The following SPATA17 variants were observed in gnomAD, a reference collection of about 807,000 sequenced individuals.
SPATA17 encodes the protein spermatogenesis associated 17, also known as spermatogenesis-associated protein 17.
Under a neutral mutation model 62.2 loss-of-function variants are expected in SPATA17, and 53 were observed. The observed-to-expected ratio is 0.85, with a 90% CI of 0.68 to 1.07. The LOEUF is 1.07. Ranked by LOEUF, SPATA17 falls within the 50% of genes least tolerant of loss-of-function variation. The pLI, the probability that SPATA17 is intolerant of heterozygous loss-of-function variation, is 0.00. For missense variants in SPATA17, 466 were observed against 425.5 expected, an observed-to-expected ratio of 1.10 and a Z score of -0.84; for synonymous variants, 146 against 146.8, an observed-to-expected ratio of 0.99 and a Z score of 0.04.
chr1:217,804,592 G>A (rs188115938), intron 9 of SPATA17, among the ~76,000 whole-genome samples: 7 of 152,242 alleles, frequency 4.6e-5, no homozygotes, highest in East Asian at 1.9e-4. Flanking sequence ...GATCAACAGC[G>A]TAAAGAGACA....
Position 217,669,027 on chromosome 1 carries a change from T to A in SPATA17, c.241-6T>A. ...ATGCATGCCATCTTTTTTTCTTGAT[T>A]CACAGGTAGCATATTATACTATGAT... On this transcript the variant is annotated splice_region_variant and splice_polypyrimidine_tract_variant and intron_variant, in intron 3 of 10. Transcript: ENST00000366933. 1 of 1,610,866 alleles carries A rather than the reference T, an allele frequency of 6.2e-7. No individual in the cohort carries two copies.
rs1304209153 is a variant in SPATA17, at chr1:217,859,270, AG to A, written c.1006-3503del. The stretch of plus-strand genomic sequence containing the variant: ...TATGTATATAAATAATATATGTAAA[AG>A]TTATATCTAAAAATTCTCCATATAT... On this transcript the variant is annotated intron_variant, in intron 9 of 10. Transcript: ENST00000366933. Among the ~76,000 whole-genome samples, 7 of 147,504 alleles carry A rather than the reference AG, an allele frequency of 4.7e-5. No homozygotes were observed. In the East Asian group the frequency reaches 1.4e-3, roughly 29 times the overall value.
intron 7 of SPATA17, among the ~76,000 whole-genome samples, chr1:217,781,774 G>C (rs1344253247): frequency 1.3e-5 from 2 of 152,092 alleles, no homozygotes; most frequent in Non-Finnish European, 2.9e-5. Flanking sequence ...AGGGCTGTTG[G>C]AAAGCTATGC....
intron 5 of SPATA17, among the ~76,000 whole-genome samples, chr1:217,717,687 G>A (rs1672039476): frequency 6.6e-6 from 1 of 151,878 alleles, no homozygotes. Flanking sequence ...ACCATGTGAT[G>A]CAGATCATTA....
intron 5 of SPATA17, among the ~76,000 whole-genome samples, chr1:217,722,933 C>A (rs991468783): frequency 3.3e-5 from 5 of 152,084 alleles, no homozygotes; most frequent in African/African-American, 1.2e-4. Context: ...CCAGTCATTG[C>A]GCACACTCAT....
At chr1:217,632,662 C>T (rs182227061) in intron 1 of SPATA17, among the ~76,000 whole-genome samples, 19 of 152,256 alleles carry the variant, frequency 1.2e-4, no homozygotes, top group Middle Eastern at 3.4e-3. Context: ...TTGTCTCCAA[C>T]GTCTATGATA....
chr1:217,807,176 C>T (rs908218409), intron 9 of SPATA17, among the ~76,000 whole-genome samples: 3 of 148,702 alleles, frequency 2.0e-5, no homozygotes, highest in Non-Finnish European at 4.5e-5. Flanking sequence ...ACTGCATGTT[C>T]TGACTTATAA....
intron 5 of SPATA17, among the ~76,000 whole-genome samples, chr1:217,690,562 A>C (rs1436903711): frequency 4.2e-5 from 6 of 141,734 alleles, no homozygotes; most frequent in Admixed American, 1.4e-4. Flanking sequence ...ATATGTATAC[A>C]TGTGCCATGC....
At chr1:217,788,391 A>G (rs912061219) in intron 8 of SPATA17, among the ~76,000 whole-genome samples, 6 of 152,152 alleles carry the variant, frequency 3.9e-5, no homozygotes, top group African/African-American at 1.2e-4. Flanking sequence ...TGCCCTGCCA[A>G]AGAGTCTACA....
chr1:217,642,465 CTTTCCTTGCTT>C (rs1670086323), intron 1 of SPATA17, among the ~76,000 whole-genome samples: 1 of 152,156 alleles, frequency 6.6e-6, no homozygotes, highest in African/African-American at 2.4e-5. Flanking sequence ...TGTTCTAATG[CTTTCCTTGCTT>C]TTTCCTTGCT....
At chr1:217,699,798 G>T (rs1671548946) in intron 5 of SPATA17, among the ~76,000 whole-genome samples, 1 of 152,032 alleles carries the variant, frequency 6.6e-6, no homozygotes, top group African/African-American at 2.4e-5. Flanking sequence ...AGATCCCAAA[G>T]ATTTTCTCCT....
intron 5 of SPATA17, among the ~76,000 whole-genome samples, chr1:217,712,217 C>A (rs1671889553): frequency 6.7e-6 from 1 of 149,676 alleles, no homozygotes; most frequent in South Asian, 2.1e-4. Flanking sequence ...ACCTCTGCCT[C>A]CTGGATTCAA....
At chr1:217,813,216 G>A (rs1350041377) in intron 9 of SPATA17, among the ~76,000 whole-genome samples, 1 of 152,132 alleles carries the variant, frequency 6.6e-6, no homozygotes, top group Non-Finnish European at 1.5e-5. Flanking sequence ...AAACTTGGGT[G>A]GGACTGTGAC....
At chr1:217,851,679 T>A (rs1366138634) in intron 9 of SPATA17, among the ~76,000 whole-genome samples, 2 of 152,166 alleles carry the variant, frequency 1.3e-5, no homozygotes, top group Non-Finnish European at 2.9e-5. Flanking sequence ...TTTCTTGATT[T>A]TTATACCACA....
intron 1 of SPATA17, among the ~76,000 whole-genome samples, chr1:217,632,819 CT>C (rs1223923122): frequency 3.3e-5 from 5 of 152,190 alleles, no homozygotes; most frequent in Admixed American, 1.3e-4. Flanking sequence ...GTGGCAGGTG[CT>C]GTATTTATGA....
intron 4 of SPATA17, among the ~76,000 whole-genome samples, chr1:217,680,101 G>C (rs905234017): frequency 2.0e-5 from 3 of 152,112 alleles, no homozygotes; most frequent in African/African-American, 7.2e-5. Context: ...TATGCAACTT[G>C]AATAACTTCT....
chr1:217,670,794 T>C lies in SPATA17; in HGVS notation c.291+1711T>C, dbSNP rs1670814234. ...GGTGAAACCACGTGTCTACTAAAAA[T>C]ACAAAAATTAGCCGGGCATGGTCAT... On this transcript the variant is annotated intron_variant, in intron 4 of 10. Coordinates refer to ENST00000366933, the MANE Select transcript of SPATA17 (RefSeq NM_138796.4). Among the ~76,000 whole-genome samples, 3 of 151,624 alleles carry C rather than the reference T, an allele frequency of 2.0e-5. No homozygotes were observed. In the South Asian group the frequency reaches 6.2e-4, roughly 32 times the overall value.
At chr1:217,714,772 A>G (rs1358013117) in intron 5 of SPATA17, among the ~76,000 whole-genome samples, 2 of 151,972 alleles carry the variant, frequency 1.3e-5, no homozygotes, top group Non-Finnish European at 2.9e-5. Context: ...GGCGTGAGCC[A>G]CCGCGCCCAG....
chr1:217,802,944 G>A (rs373570453), intron 9 of SPATA17, among the ~76,000 whole-genome samples: 12 of 151,894 alleles, frequency 7.9e-5, no homozygotes, highest in Non-Finnish European at 1.6e-4. Flanking sequence ...ATGAAGTCTC[G>A]CTCTGTCGCT....
Sources: allele counts gnomAD v4.1 joint callset (sites outside exome capture counted in the v4.1 genomes callset), GRCh38; gene constraint gnomAD v4.1.1; transcripts MANE v1.5; gene names NCBI Gene and HGNC (gene_info 2026-07-23, HGNC 2026-07-21).